The following CHD6 variants were observed in gnomAD, a reference collection of about 807,000 sequenced individuals.
CHD6 encodes the protein ATP-dependent chromatin remodeler CHD6.
In CHD6, 50 loss-of-function variants were observed where a neutral mutation model predicts 276.9. The observed-to-expected ratio is 0.18, with a 90% CI of 0.14 to 0.23. CHD6 has a LOEUF of 0.23. Ranked by LOEUF, CHD6 falls within the 10% of genes least tolerant of loss-of-function variation. CHD6 has a pLI of 1.00. For missense variants in CHD6, 2,564 were observed against 3,365.8 expected (o/e 0.76, Z 5.89); for synonymous variants, 1,173 against 1,229.3 (o/e 0.95, Z 0.96).
intron 17 of CHD6, among the ~76,000 whole-genome samples, chr20:41,460,732 T>G (rs1311513645): frequency 6.6e-6 from 1 of 152,210 alleles, no homozygotes; most frequent in African/African-American, 2.4e-5. Context: ...GGGGTCCTCA[T>G]GGAGAACCTC....
chr20:41,577,678 T>G (rs1322873496), intron 1 of CHD6, among the ~76,000 whole-genome samples: 1 of 152,232 alleles, frequency 6.6e-6, no homozygotes, highest in Non-Finnish European at 1.5e-5. Flanking sequence ...CAAATATATG[T>G]GTAGATTATT....
At chr20:41,442,565 G>A (rs993139571) in intron 25 of CHD6, among the ~76,000 whole-genome samples, 7 of 152,268 alleles carry the variant, frequency 4.6e-5, no homozygotes, top group Admixed American at 6.5e-5. Context: ...GAAGTGGAGC[G>A]GGCTTCCTGA....
At chr20:41,496,069 G>A (rs1202309028) in intron 8 of CHD6, among the ~76,000 whole-genome samples, 1 of 152,304 alleles carries the variant, frequency 6.6e-6, no homozygotes, top group Middle Eastern at 3.4e-3. Context: ...GTACCCAAAT[G>A]AACATAGCAT....
intron 1 of CHD6, among the ~76,000 whole-genome samples, chr20:41,610,169 T>G (rs779390464): frequency 6.6e-6 from 1 of 152,328 alleles, no homozygotes; most frequent in South Asian, 2.1e-4. Flanking sequence ...TGTTTATTTC[T>G]ACAGTAATTT....
chr20:41,463,347 T>A (rs1342195548), intron 17 of CHD6, among the ~76,000 whole-genome samples: 8 of 152,220 alleles, frequency 5.3e-5, no homozygotes, highest in Admixed American at 5.2e-4. Flanking sequence ...CTAAAACCAA[T>A]GGGTGATACT....
At chr20:41,489,287 T>G (rs193103122) in intron 12 of CHD6, among the ~76,000 whole-genome samples, 1 of 152,316 alleles carries the variant, frequency 6.6e-6, no homozygotes, top group East Asian at 1.9e-4. Flanking sequence ...AACACACAAC[T>G]ATATTCAGCT....
At chr20:41,587,229 T>TTAA (rs1368505767) in intron 1 of CHD6, among the ~76,000 whole-genome samples, 1 of 152,208 alleles carries the variant, frequency 6.6e-6, no homozygotes, top group African/African-American at 2.4e-5. Flanking sequence ...CCAAAAAACA[T>TTAA]ACTTAGAGAA....
At chr20:41,478,534 A>C (rs531674427) in intron 16 of CHD6, among the ~76,000 whole-genome samples, 1 of 152,280 alleles carries the variant, frequency 6.6e-6, no homozygotes, top group Admixed American at 6.5e-5. Context: ...GACACACATC[A>C]GGGGAAGGTA....
intron 6 of CHD6, among the ~76,000 whole-genome samples, chr20:41,498,945 G>A (rs1258395516): frequency 6.6e-6 from 1 of 151,950 alleles, no homozygotes; most frequent in Non-Finnish European, 1.5e-5. Flanking sequence ...AAAGTGATGG[G>A]ATTATAGGTA....
chr20:41,474,301 A>T (rs920907994), intron 16 of CHD6, among the ~76,000 whole-genome samples: 6 of 152,198 alleles, frequency 3.9e-5, no homozygotes, highest in African/African-American at 1.4e-4. Flanking sequence ...AAAAGGAAAA[A>T]GAATAAGAAA....
intron 1 of CHD6, among the ~76,000 whole-genome samples, chr20:41,562,850 G>C (rs1420381735): frequency 6.7e-6 from 1 of 149,260 alleles, no homozygotes; most frequent in Non-Finnish European, 1.5e-5. Flanking sequence ...TGGGTCAAAA[G>C]AGAAAGATCT....
In CHD6 at chr20:41,527,839, C is replaced by T. The variant is rs140545697; in HGVS notation, c.554+5211G>A. Among the ~76,000 whole-genome samples, 1,082 of 152,282 alleles carry T rather than the reference C, an allele frequency of 7.1e-3. 21 individuals are homozygous for T. The highest frequency in any genetic ancestry group is 0.06 in the South Asian group (288 of 4,824). On this transcript the variant is annotated intron_variant, in intron 3 of 36. Transcript: ENST00000373233. ...AATAAGAGGAGATCAGGTCAGGTGG[C>T]TCTGGACTCATGAATGGATGAATAT... is the stretch of plus-strand genomic sequence containing the variant.
intron 1 of CHD6, among the ~76,000 whole-genome samples, chr20:41,562,793 T>C (rs1167436447): frequency 6.6e-6 from 1 of 152,190 alleles, no homozygotes; most frequent in Non-Finnish European, 1.5e-5. Flanking sequence ...GCATAGTATT[T>C]GATAAATTAG....
chr20:41,505,204 AAG>A (rs1288667447), intron 5 of CHD6, among the ~76,000 whole-genome samples: 7 of 152,176 alleles, frequency 4.6e-5, no homozygotes, highest in African/African-American at 1.7e-4. Flanking sequence ...TATCTTAAGC[AAG>A]AGTCAGTATT....
intron 27 of CHD6, among the ~76,000 whole-genome samples, chr20:41,436,836 G>A (rs2047724654): frequency 6.6e-6 from 1 of 152,188 alleles, no homozygotes; most frequent in Non-Finnish European, 1.5e-5. Context: ...GAACAGATGA[G>A]TGGTTGCCAG....
chr20:41,504,261 C>G (rs1248206873), intron 5 of CHD6, among the ~76,000 whole-genome samples: 2 of 151,790 alleles, frequency 1.3e-5, no homozygotes, highest in East Asian at 3.9e-4. Flanking sequence ...ATCTAATCTA[C>G]TTATAAACCT....
At chr20:41,579,257 G>A (rs1268530069) in intron 1 of CHD6, among the ~76,000 whole-genome samples, 8 of 150,192 alleles carry the variant, frequency 5.3e-5, no homozygotes, top group Middle Eastern at 3.5e-3. Context: ...CAACAGTGGC[G>A]GGAAACCCCA....
At chr20:41,451,509 A>G (rs1177068419) in intron 22 of CHD6, among the ~76,000 whole-genome samples, 3 of 152,230 alleles carry the variant, frequency 2.0e-5, no homozygotes, top group African/African-American at 7.2e-5. Context: ...GGACAGGGAC[A>G]GGATGGTGAA....
rs1600771267 is a variant in CHD6, at chr20:41,403,340, G to A, written c.*1253C>T. 9.4e-7 allele frequency: 1 copy of A among 1,062,936 alleles called. No homozygotes were observed. Among genetic ancestry groups the A allele is most frequent in the African/African-American group, 1.6e-5 (1 of 61,038 alleles). 65.8% of individuals were successfully genotyped at this position (1,062,936 alleles called of 1,614,324 possible). Reference sequence around the variant, plus strand: ...CTGTGAAGAGTGAGACCATCAGAAGGGACGTTAACATGAAGGTGAAAGGAC... The same window carrying A: ...CTGTGAAGAGTGAGACCATCAGAAGAGACGTTAACATGAAGGTGAAAGGAC... On this transcript the variant is annotated 3_prime_UTR_variant, in exon 37 of 37. Transcript: ENST00000373233.
Sources: allele counts gnomAD v4.1 joint callset (sites outside exome capture counted in the v4.1 genomes callset), GRCh38; gene constraint gnomAD v4.1.1; transcripts MANE v1.5; gene names NCBI Gene and HGNC (gene_info 2026-07-23, HGNC 2026-07-21).